PLD5: variants seen among roughly 807,000 people sequenced by gnomAD.
PLD5 encodes phospholipase D family member 5.
Under a neutral mutation model 61.1 loss-of-function variants are expected in PLD5, and 36 were observed. The ratio of observed to expected loss-of-function variants is 0.59; its 90% CI spans 0.45 to 0.78. The LOEUF (loss-of-function observed/expected upper bound fraction) is 0.78. PLD5 is among the 30% of genes least tolerant of loss of function. The probability of loss-of-function intolerance (pLI) is 0.00; values close to 1 mark genes in which losing one functional copy is unlikely to be tolerated. For synonymous variants in PLD5, 243 were observed against 242.8 expected, an observed-to-expected ratio of 1.00 and a Z score of -0.01; for missense variants, 515 against 644.4, an observed-to-expected ratio of 0.80 and a Z score of 2.17.
chr1:242,200,989 T>C (rs1447018835), intron 5 of PLD5, among the ~76,000 whole-genome samples: 4 of 152,240 alleles, frequency 2.6e-5, no homozygotes, highest in African/African-American at 9.6e-5. Flanking sequence ...AACAAATGTA[T>C]CTAACACCTC....
intron 7 of PLD5, among the ~76,000 whole-genome samples, chr1:242,111,165 T>C (rs1661459839): frequency 6.6e-6 from 1 of 151,974 alleles, no homozygotes; most frequent in African/African-American, 2.4e-5. Context: ...CAAGCGATTC[T>C]CCTGTCTCAG....
chr1:242,174,683 A>T (rs544298373), intron 5 of PLD5, among the ~76,000 whole-genome samples: 108 of 152,342 alleles, frequency 7.1e-4, no homozygotes, highest in Admixed American at 2.4e-3. Context: ...GATTAAGAAA[A>T]CATGGCACAT....
intron 2 of PLD5, among the ~76,000 whole-genome samples, chr1:242,311,296 G>GA (rs956260538): frequency 7.9e-5 from 12 of 152,134 alleles, no homozygotes; most frequent in Non-Finnish European, 1.2e-4. Context: ...AGAAGAAAAA[G>GA]AAAAAATCCT....
At chr1:242,240,139 G>A (rs1312358392) in intron 4 of PLD5, among the ~76,000 whole-genome samples, 1 of 152,214 alleles carries the variant, frequency 6.6e-6, no homozygotes, top group Non-Finnish European at 1.5e-5. Flanking sequence ...CAAGTGGCCA[G>A]CACTCTTACA....
intron 1 of PLD5, among the ~76,000 whole-genome samples, chr1:242,349,898 C>T (rs112345959): frequency 6.6e-6 from 1 of 152,246 alleles, no homozygotes; most frequent in African/African-American, 2.4e-5. Flanking sequence ...CAGAGATGGG[C>T]ATGGTGACAT....
chr1:242,302,612 A>G (rs958129460), intron 2 of PLD5, among the ~76,000 whole-genome samples: 9 of 152,192 alleles, frequency 5.9e-5, no homozygotes, highest in Non-Finnish European at 2.9e-5. Flanking sequence ...CTAACTACTC[A>G]GGAGGCTGAG....
At chr1:242,325,500 AGAG>A (rs1658703679) in intron 2 of PLD5, among the ~76,000 whole-genome samples, 4 of 151,686 alleles carry the variant, frequency 2.6e-5, no homozygotes, top group Non-Finnish European at 5.9e-5. Context: ...GAGAGAAGAG[AGAG>A]AGAGAGAGTC....
chr1:242,179,921 AGTGT>A (rs4039792), intron 5 of PLD5, among the ~76,000 whole-genome samples: 103,248 of 150,430 alleles, frequency 0.69, 35,764 homozygotes, highest in African/African-American at 0.78. Flanking sequence ...ACCAAAATTG[AGTGT>A]GTGTGTGTGT....
At chr1:242,211,693 G>T (rs6690415) in intron 5 of PLD5, among the ~76,000 whole-genome samples, 73,367 of 151,874 alleles carry the variant, frequency 0.48, 19,020 homozygotes, top group East Asian at 0.76. Context: ...CATGAGGAAC[G>T]CTACAAAAGG....
chr1:242,487,973 T>C (rs1246165769), intron 1 of PLD5, among the ~76,000 whole-genome samples: 2 of 152,284 alleles, frequency 1.3e-5, no homozygotes, highest in Non-Finnish European at 2.9e-5. Context: ...ATTTACTTAA[T>C]AGTAGCTGTT....
chr1:242,403,913 G>A (rs1198452658), intron 1 of PLD5, among the ~76,000 whole-genome samples: 7 of 152,116 alleles, frequency 4.6e-5, no homozygotes, highest in Non-Finnish European at 8.8e-5. Context: ...CCAATTCTAT[G>A]TATTATAAAA....
chr1:242,152,967 C>T (rs1279580022), intron 5 of PLD5, among the ~76,000 whole-genome samples: 2 of 87,784 alleles, frequency 2.3e-5, no homozygotes, highest in Non-Finnish European at 5.7e-5. Flanking sequence ...ATTTACACTC[C>T]CACCAACAGT....
chr1:242,256,110 G>A lies in PLD5; in HGVS notation c.607+9227C>T, dbSNP rs960912427. ...TGCTATATAGTGCTAATGAGGGAAA[G>A]TTGGGGTCACTTTTAAACTGGGTGT... is the stretch of plus-strand genomic sequence containing the variant. On this transcript the variant is annotated intron_variant, in intron 4 of 9. Coordinates refer to ENST00000536534, the MANE Select transcript of PLD5 (RefSeq NM_001372062.1). The surrounding 1 kb of genome is among the most constrained non-coding windows in gnomAD (Gnocchi z 5.7). Among the ~76,000 whole-genome samples the A allele has an allele frequency of 3.9e-4, 59 of 152,106 alleles. No individual in the cohort carries two copies. Among genetic ancestry groups the A allele is most frequent in the African/African-American group, 1.4e-3 (59 of 41,424 alleles).
chr1:242,274,638 C>T (rs959885929), intron 3 of PLD5, among the ~76,000 whole-genome samples: 8 of 152,072 alleles, frequency 5.3e-5, no homozygotes, highest in African/African-American at 1.9e-4. Context: ...CCTGTAGTCC[C>T]AGCTACTCAG....
At chr1:242,421,386 A>G (rs1344541568) in intron 1 of PLD5, among the ~76,000 whole-genome samples, 2 of 152,142 alleles carry the variant, frequency 1.3e-5, no homozygotes, top group African/African-American at 4.8e-5. Context: ...AGGCTGAAAG[A>G]GCAGCTTCTG....
chr1:242,394,823 C>T lies in PLD5; in HGVS notation c.190-46581G>A, dbSNP rs62646903. On this transcript the variant is annotated intron_variant, in intron 1 of 9. Coordinates refer to ENST00000536534, the MANE Select transcript of PLD5 (RefSeq NM_001372062.1). The stretch of plus-strand genomic sequence containing the variant: ...ATGTGTATATATGTGAATATATATA[C>T]ATATATGTGAATATATATACATATG... Among the ~76,000 whole-genome samples, 182 of 104,466 alleles carry T rather than the reference C, an allele frequency of 1.7e-3. 35 individuals carry two copies. The highest frequency in any genetic ancestry group is 2.7e-3 in the Non-Finnish European group (146 of 54,140). 68.5% of individuals were successfully genotyped at this position (104,466 alleles called of 152,430 possible). A position where few individuals can be genotyped will look rare whatever the true frequency, so the allele number is the denominator to read the frequency against.
At chr1:242,270,816 T>G (rs1030829489) in intron 3 of PLD5, among the ~76,000 whole-genome samples, 19 of 152,220 alleles carry the variant, frequency 1.2e-4, no homozygotes. Context: ...AGTGGGGAAC[T>G]AGTAAACCAT....
At chr1:242,376,747 T>C (rs1255134657) in intron 1 of PLD5, among the ~76,000 whole-genome samples, 1 of 152,202 alleles carries the variant, frequency 6.6e-6, no homozygotes, top group Non-Finnish European at 1.5e-5. Flanking sequence ...AAATACTGTT[T>C]TAATACTTAT....
chr1:242,407,710 C>A (rs1664319905), intron 1 of PLD5, among the ~76,000 whole-genome samples: 1 of 151,974 alleles, frequency 6.6e-6, no homozygotes, highest in Non-Finnish European at 1.5e-5. Flanking sequence ...TCCTGAGTAG[C>A]TGGGATTATA....
Sources: allele counts gnomAD v4.1 joint callset (sites outside exome capture counted in the v4.1 genomes callset), GRCh38; gene constraint gnomAD v4.1.1; non-coding constraint Gnocchi (gnomAD v3.1); transcripts MANE v1.5; gene names NCBI Gene and HGNC (gene_info 2026-07-23, HGNC 2026-07-21).